Variants in VSNL1 observed in about 807,000 individuals in gnomAD.
VSNL1 encodes the protein visinin like 1.
A neutral mutation model predicts 20.4 loss-of-function variants in VSNL1; 6 were observed. The ratio of observed to expected loss-of-function variants is 0.29; its 90% CI spans 0.16 to 0.58. The LOEUF (loss-of-function observed/expected upper bound fraction) is 0.58, where lower values mean the gene tolerates loss of function less well. Among genes scored for constraint, VSNL1 ranks in the 20% least tolerant of loss-of-function variants. The pLI is 0.90. For missense variants in VSNL1, 100 were observed against 234.5 expected, an observed-to-expected ratio of 0.43 and a Z score of 3.75; for synonymous variants, 93 against 86.4, an observed-to-expected ratio of 1.08 and a Z score of -0.42.
chr2:17,576,462 T>C (rs2103361034), intron 1 of VSNL1, among the ~76,000 whole-genome samples: 1 of 152,348 alleles, frequency 6.6e-6, no homozygotes, highest in East Asian at 1.9e-4. Context: ...TATTTATTTC[T>C]AGTGTTTTCT....
intron 2 of VSNL1, among the ~76,000 whole-genome samples, chr2:17,592,640 C>CTTTTTTTTTTTTTTTTT (rs55756596): frequency 5.6e-5 from 4 of 70,856 alleles, no homozygotes; most frequent in African/African-American, 2.0e-4. Flanking sequence ...CTCTCTCTCT[C>CTTTTTTTTTTTTTTTTT]TTTTTTTTTT....
At chr2:17,644,389 G>A (rs1220382433) in intron 2 of VSNL1, among the ~76,000 whole-genome samples, 1 of 152,204 alleles carries the variant, frequency 6.6e-6, no homozygotes, top group Non-Finnish European at 1.5e-5. Context: ...GGTTCCCACA[G>A]AAGGTAGACA....
At chr2:17,541,998 G>A (rs1392640141) in intron 1 of VSNL1, among the ~76,000 whole-genome samples, 1 of 152,170 alleles carries the variant, frequency 6.6e-6, no homozygotes, top group Non-Finnish European at 1.5e-5. Context: ...AAATAAAATA[G>A]AATTGTTGGT....
chr2:17,627,358 G>A (rs773071690), intron 2 of VSNL1, among the ~76,000 whole-genome samples: 4 of 152,150 alleles, frequency 2.6e-5, no homozygotes, highest in Non-Finnish European at 5.9e-5. Context: ...ATCTGTAACC[G>A]CCCAAGGGGT....
At chr2:17,559,408 C>CAAA (rs200239619) in intron 1 of VSNL1, among the ~76,000 whole-genome samples, 11 of 126,902 alleles carry the variant, frequency 8.7e-5, no homozygotes, top group African/African-American at 3.0e-4. Context: ...TAAAAACCAG[C>CAAA]AAAAAAAAAA....
At chr2:17,561,424 G>C (rs1663811631) in intron 1 of VSNL1, among the ~76,000 whole-genome samples, 1 of 152,086 alleles carries the variant, frequency 6.6e-6, no homozygotes, top group African/African-American at 2.4e-5. Context: ...AGGGACTTGG[G>C]TGAATGGCAC....
chr2:17,576,113 A>G (rs1664208374), intron 1 of VSNL1, among the ~76,000 whole-genome samples: 6 of 152,084 alleles, frequency 3.9e-5, no homozygotes, highest in Admixed American at 3.9e-4. Flanking sequence ...CACACTTTTT[A>G]TTCATTTGTA....
chr2:17,615,586 C>T (rs990658455), intron 2 of VSNL1, among the ~76,000 whole-genome samples: 1 of 152,236 alleles, frequency 6.6e-6, no homozygotes, highest in Non-Finnish European at 1.5e-5. Flanking sequence ...ATCCAGCAAA[C>T]AGTGGTTTAA....
chr2:17,628,331 A>G (rs1329193741), intron 2 of VSNL1, among the ~76,000 whole-genome samples: 1 of 152,214 alleles, frequency 6.6e-6, no homozygotes, highest in Non-Finnish European at 1.5e-5. Flanking sequence ...ATAAAAACAA[A>G]TAATTTTTTC....
At chr2:17,632,704 A>G (rs936974376) in intron 2 of VSNL1, among the ~76,000 whole-genome samples, 45 of 152,254 alleles carry the variant, frequency 3.0e-4, no homozygotes, top group African/African-American at 1.0e-3. Flanking sequence ...CTATCTATAG[A>G]GTAAGAAAAA....
At chr2:17,643,716 G>A (rs1014258840) in intron 2 of VSNL1, among the ~76,000 whole-genome samples, 1 of 152,202 alleles carries the variant, frequency 6.6e-6, no homozygotes, top group Non-Finnish European at 1.5e-5. Context: ...GTTCCCTACA[G>A]TGACATGCAT....
intron 1 of VSNL1, among the ~76,000 whole-genome samples, chr2:17,544,783 A>G (rs1473542398): frequency 6.6e-6 from 1 of 152,228 alleles, no homozygotes; most frequent in Non-Finnish European, 1.5e-5. Context: ...ATCACATTTA[A>G]TTAATCTAAA....
chr2:17,570,200 A>G (rs1664048054), intron 1 of VSNL1, among the ~76,000 whole-genome samples: 1 of 152,208 alleles, frequency 6.6e-6, no homozygotes, highest in African/African-American at 2.4e-5. Context: ...ATTGTTCACA[A>G]AATAAACAAA....
At chr2:17,642,167 C>T (rs936518533) in intron 2 of VSNL1, among the ~76,000 whole-genome samples, 2 of 152,144 alleles carry the variant, frequency 1.3e-5, no homozygotes, top group African/African-American at 2.4e-5. Context: ...GCTTCCTTTA[C>T]CCATCCGAAT....
At chr2:17,596,551 G>A (rs769103216) in intron 2 of VSNL1, among the ~76,000 whole-genome samples, 1 of 152,088 alleles carries the variant, frequency 6.6e-6, no homozygotes, top group Non-Finnish European at 1.5e-5. Flanking sequence ...TGGAGAGTTG[G>A]TGCCATTGCT....
At chr2:17,559,893 TAAA>T in intron 1 of VSNL1, among the ~76,000 whole-genome samples, 1 of 152,050 alleles carries the variant, frequency 6.6e-6, no homozygotes, top group South Asian at 2.1e-4. Flanking sequence ...GAAAAGAGAT[TAAA>T]CTGACATCTT....
At chr2:17,622,601 AAAAG>A (rs1332270210) in intron 2 of VSNL1, among the ~76,000 whole-genome samples, 23 of 126,726 alleles carry the variant, frequency 1.8e-4, no homozygotes, top group Admixed American at 5.5e-4. Context: ...AGAAAGAAAG[AAAAG>A]AAAGAAAGAT....
chr2:17,611,187 G>A lies in VSNL1; in HGVS notation c.162+18951G>A, dbSNP rs575073426. Among the ~76,000 whole-genome samples the A allele has an allele frequency of 1.2e-4, 19 of 152,316 alleles. No individual in the cohort carries two copies. The South Asian group carries it at 3.7e-3, about 30-fold the overall frequency. On this transcript the variant is annotated intron_variant, in intron 2 of 3. Coordinates refer to ENST00000295156, the MANE Select transcript of VSNL1 (RefSeq NM_003385.5). ...TGTTATCTGTTTAATTCATACAACAGCCTTCTGCCCTAGATACCATTATTA... is the reference window on the plus strand; with the variant it reads ...TGTTATCTGTTTAATTCATACAACAACCTTCTGCCCTAGATACCATTATTA...
intron 1 of VSNL1, among the ~76,000 whole-genome samples, chr2:17,560,971 T>C (rs1282460533): frequency 6.6e-6 from 1 of 152,188 alleles, no homozygotes; most frequent in Non-Finnish European, 1.5e-5. Flanking sequence ...AAATCTGTTT[T>C]CAATAGATTT....
Sources: gnomAD v4.1 joint callset for allele counts (sites outside exome capture counted in the v4.1 genomes callset) on GRCh38, gnomAD v4.1.1 for gene constraint, MANE v1.5 for transcripts, NCBI Gene and HGNC (gene_info 2026-07-23, HGNC 2026-07-21) for gene names.